The following OR3A2 variants were observed in gnomAD, a reference collection of about 807,000 sequenced individuals.
The protein encoded by OR3A2 is olfactory receptor 3A2.
For missense variants in OR3A2, 318 were observed against 392.8 expected (o/e 0.81, Z 1.61); for synonymous variants, 126 against 159.3 (o/e 0.79, Z 1.57).
In OR3A2 at chr17:3,363,002, A is replaced by T. The variant is rs754779254; in HGVS notation, c.-179+20802T>A. On this transcript the variant is annotated intron_variant, in intron 2 of 4. Coordinates refer to the OR3A2 transcript ENST00000573491. ...GGTGCCATGTCCCAAGGCTGCACAG[A>T]GCAGTGGGGGCCTGGACCTGGCCCA... Among the ~76,000 whole-genome samples the T allele has an allele frequency of 2.7e-4, 41 of 151,964 alleles. 2 individuals are homozygous for T. The highest frequency in any genetic ancestry group is 4.1e-4 in the Non-Finnish European group (28 of 68,034).
intron 2 of OR3A2, among the ~76,000 whole-genome samples, chr17:3,338,447 T>C (rs1317759894): frequency 1.3e-5 from 2 of 152,182 alleles, no homozygotes; most frequent in African/African-American, 4.8e-5. Flanking sequence ...TTAATTTTTG[T>C]ATAAAGTGTA....
intron 3 of OR3A2, chr17:3,310,634 C>T (rs760848971): frequency 2.2e-5 from 12 of 541,564 alleles, no homozygotes; most frequent in Non-Finnish European, 4.5e-5. Flanking sequence ...TCTTCTTCCA[C>T]CTCCTGGCTG....
At chr17:3,364,999 T>C (rs1038216631) in intron 2 of OR3A2, among the ~76,000 whole-genome samples, 1 of 152,222 alleles carries the variant, frequency 6.6e-6, no homozygotes, top group African/African-American at 2.4e-5. Context: ...AATGCTTTTT[T>C]TAAGTTAGCA....
At chr17:3,356,833 T>C (rs2049469213) in intron 2 of OR3A2, among the ~76,000 whole-genome samples, 1 of 151,656 alleles carries the variant, frequency 6.6e-6, no homozygotes, top group Non-Finnish European at 1.5e-5. Context: ...TGTCTCATCT[T>C]TCTAAACAAT....
rs77614081 is a variant in OR3A2 at position 3,311,490 on chromosome 17, G to A, written c.-85+24543C>T. On this transcript the variant is annotated intron_variant, in intron 3 of 4. Coordinates refer to the OR3A2 transcript ENST00000573491. The surrounding 1 kb of genome is among the most constrained non-coding windows in gnomAD (Gnocchi z 4.6). ...TGACTCACACAGTGGCTGTGTCTGC[G>A]CTTGACTTCTGTGGCCCTAATGTGG... 1,759 of 420,634 alleles carry A rather than the reference G, an allele frequency of 4.2e-3. 28 individuals are homozygous for A. Among genetic ancestry groups the A allele is most frequent in the African/African-American group, 0.033 (1,579 of 48,214 alleles). 26.1% of individuals were successfully genotyped at this position (420,634 alleles called of 1,614,324 possible). A position where few individuals can be genotyped will look rare whatever the true frequency, so the allele number is the denominator to read the frequency against.
At chr17:3,370,634 AT>A (rs142431057) in intron 2 of OR3A2, among the ~76,000 whole-genome samples, 24 of 148,396 alleles carry the variant, frequency 1.6e-4, no homozygotes, top group African/African-American at 1.7e-4. Flanking sequence ...GTTCTTTCGG[AT>A]TTTTTTTTTT....
In OR3A2 at chr17:3,311,386, A is replaced by G. The variant is rs1313389495; in HGVS notation, c.-85+24647T>C. ...CTACCTGGCTATCTGTCAGCTTCTCACCAACAGCACTCGCATGAGCTGTGA... is the reference window on the plus strand; with the variant it reads ...CTACCTGGCTATCTGTCAGCTTCTCGCCAACAGCACTCGCATGAGCTGTGA... On this transcript the variant is annotated intron_variant, in intron 3 of 4. Coordinates refer to the OR3A2 transcript ENST00000573491. The surrounding 1 kb of genome is among the most constrained non-coding windows in gnomAD (Gnocchi z 4.6). 3.9e-6 allele frequency: 2 copies of G among 518,316 alleles called. No individual in the cohort carries two copies. Among genetic ancestry groups the G allele is most frequent in the East Asian group, 1.1e-4 (2 of 18,066 alleles). 32.1% of individuals were successfully genotyped at this position (518,316 alleles called of 1,614,324 possible). A position where few individuals can be genotyped will look rare whatever the true frequency, so the allele number is the denominator to read the frequency against.
At chr17:3,344,590 G>T (rs76277671) in intron 2 of OR3A2, among the ~76,000 whole-genome samples, 1 of 152,110 alleles carries the variant, frequency 6.6e-6, no homozygotes, top group Non-Finnish European at 1.5e-5. Context: ...AATAAAGTTT[G>T]TAGGCACTAC....
chr17:3,330,741 T>C (rs1359549190), intron 3 of OR3A2, among the ~76,000 whole-genome samples: 1 of 152,140 alleles, frequency 6.6e-6, no homozygotes, highest in African/African-American at 2.4e-5. Flanking sequence ...ATGTGTGAAT[T>C]TGATCCTGTC....
intron 2 of OR3A2, among the ~76,000 whole-genome samples, chr17:3,361,352 A>G (rs1457659884): frequency 1.3e-5 from 2 of 151,744 alleles, no homozygotes; most frequent in African/African-American, 2.4e-5. Flanking sequence ...CAATCATGTC[A>G]TCTGCAAACA....
rs548498513 is a variant in OR3A2, at chr17:3,341,637, T to C, written c.-178-5511A>G. ...AGAGTTTCTGCTGAGAGATCCACTGTTAGTCTGATGGGCTTCCCTTTGTGG... is the reference window on the plus strand; with the variant it reads ...AGAGTTTCTGCTGAGAGATCCACTGCTAGTCTGATGGGCTTCCCTTTGTGG... On this transcript the variant is annotated intron_variant, in intron 2 of 4. Coordinates refer to the OR3A2 transcript ENST00000573491. Among the ~76,000 whole-genome samples the C allele has an allele frequency of 2.6e-5, 4 of 152,358 alleles. No individual in the cohort carries two copies. In the South Asian group the frequency reaches 8.3e-4, roughly 32 times the overall value.
upstream of OR3A2, among the ~76,000 whole-genome samples, chr17:3,286,683 C>T (rs567146209): frequency 1.1e-4 from 16 of 151,090 alleles, 1 homozygote; most frequent in African/African-American, 2.5e-4. Context: ...CCAGTGATGA[C>T]GAGATTTTTT....
chr17:3,354,104 C>T (rs966457120), intron 2 of OR3A2, among the ~76,000 whole-genome samples: 4 of 151,736 alleles, frequency 2.6e-5, no homozygotes, highest in East Asian at 3.9e-4. Context: ...AAGATTTCTG[C>T]ACCAGTATTC....
chr17:3,301,524 C>G (rs1264595116), intron 3 of OR3A2, among the ~76,000 whole-genome samples: 1 of 152,204 alleles, frequency 6.6e-6, no homozygotes, highest in Non-Finnish European at 1.5e-5. Flanking sequence ...ACTTCACCCA[C>G]TTTTTGATGG....
chr17:3,375,591 C>T (rs1052165477), intron 2 of OR3A2, among the ~76,000 whole-genome samples: 2 of 152,258 alleles, frequency 1.3e-5, no homozygotes, highest in Middle Eastern at 3.4e-3. Context: ...CATGAGCCAC[C>T]GTGCCTGGCC....
At chr17:3,293,511 G>C (rs144943768) in intron 3 of OR3A2, among the ~76,000 whole-genome samples, 1 of 152,062 alleles carries the variant, frequency 6.6e-6, no homozygotes, top group Non-Finnish European at 1.5e-5. Flanking sequence ...CAAGCATCTT[G>C]TGAATATCTA....
At chr17:3,315,329 C>T (rs2049072853) in intron 3 of OR3A2, among the ~76,000 whole-genome samples, 1 of 152,212 alleles carries the variant, frequency 6.6e-6, no homozygotes, top group South Asian at 2.1e-4. Flanking sequence ...TCTCTTTTCT[C>T]TGCAGCCTTG....
intron 3 of OR3A2, among the ~76,000 whole-genome samples, chr17:3,308,660 G>C (rs1295814097): frequency 3.3e-5 from 5 of 152,140 alleles, no homozygotes; most frequent in African/African-American, 9.7e-5. Context: ...GATTTGGAGA[G>C]ACTGAGTTTG....
intron 3 of OR3A2, among the ~76,000 whole-genome samples, chr17:3,321,367 T>C (rs1469067821): frequency 2.0e-5 from 3 of 152,126 alleles, no homozygotes; most frequent in Non-Finnish European, 4.4e-5. Context: ...TGAATATGCT[T>C]TATTTCTTTC....
Sources: allele counts gnomAD v4.1 joint callset (sites outside exome capture counted in the v4.1 genomes callset), GRCh38; gene constraint gnomAD v4.1.1; non-coding constraint Gnocchi (gnomAD v3.1); transcripts MANE v1.5; gene names NCBI Gene and HGNC (gene_info 2026-07-23, HGNC 2026-07-21).